Variants in PCDHGA12 observed in about 807,000 individuals in gnomAD.
PCDHGA12 encodes protocadherin gamma-A12.
In PCDHGA12, 43 loss-of-function variants were observed where a neutral mutation model predicts 61.1. The ratio of observed to expected loss-of-function variants is 0.70; its 90% CI spans 0.55 to 0.91. The LOEUF (loss-of-function observed/expected upper bound fraction) is 0.91. PCDHGA12 is among the 40% of genes least tolerant of loss of function. PCDHGA12 has a pLI of 0.00. For missense variants in PCDHGA12, 1,236 were observed against 1,227.7 expected (o/e 1.01, Z -0.10); for synonymous variants, 520 against 542.9 (o/e 0.96, Z 0.59).
Position 141,430,975 on chromosome 5 carries a change from G to A in PCDHGA12, c.216G>A (p.Thr72=), listed in dbSNP as rs776670383. ...RGVRIIPRGR[T]QLFALNPRSG... ...TCCGCATCATCCCCAGAGGTAGGACGCAGCTTTTCGCCCTGAATCCGCGCA... is the reference window on the plus strand; with the variant it reads ...TCCGCATCATCCCCAGAGGTAGGACACAGCTTTTCGCCCTGAATCCGCGCA... The change falls in exon 1 of 4, where the codon ACG becomes ACA. Residue 72 remains threonine (T), a synonymous_variant. Coordinates refer to ENST00000252085, the MANE Select transcript of PCDHGA12 (RefSeq NM_003735.3). The A allele has an allele frequency of 1.2e-6, 2 of 1,613,208 alleles. No homozygotes were observed. Among genetic ancestry groups the A allele is most frequent in the Admixed American group, 1.7e-5 (1 of 59,912 alleles).
At chr5:141,484,857 G>C in intron 1 of PCDHGA12, 1 of 264,370 alleles carries the variant, frequency 3.8e-6, no homozygotes. Flanking sequence ...TTTTTGGGGG[G>C]TGGGGGAGCG....
intron 1 of PCDHGA12, among the ~76,000 whole-genome samples, chr5:141,437,573 G>A (rs923321760): frequency 1.3e-5 from 2 of 152,164 alleles, no homozygotes; most frequent in African/African-American, 4.8e-5. Flanking sequence ...GAGTATAGCT[G>A]TGATCATGAA....
chr5:141,475,820 C>T (rs890721743), intron 1 of PCDHGA12: 2 of 351,808 alleles, frequency 5.7e-6, no homozygotes, highest in African/African-American at 2.1e-5. Context: ...AAGTTCCTGG[C>T]GCTAGCGCGT....
chr5:141,494,701 C>G, intron 1 of PCDHGA12, 106 bp from the exon 2 acceptor site: 1 of 1,594,596 alleles, frequency 6.3e-7, no homozygotes, highest in Non-Finnish European at 8.6e-7. Context: ...CCGTTTTCTT[C>G]TCTGTGCCCA....
chr5:141,469,296 A>T (rs2099196287), intron 1 of PCDHGA12, among the ~76,000 whole-genome samples: 1 of 149,742 alleles, frequency 6.7e-6, no homozygotes, highest in Non-Finnish European at 1.5e-5. Context: ...AACAAAATAG[A>T]CTGGGCACGA....
Position 141,486,775 on chromosome 5 carries a change from G to A in PCDHGA12, c.2425-8032G>A, listed in dbSNP as rs2099634725. On this transcript the variant is annotated intron_variant, in intron 1 of 3. Coordinates refer to ENST00000252085, the MANE Select transcript of PCDHGA12 (RefSeq NM_003735.3). This position sits in a 1 kb window ranked among gnomAD's most constrained non-coding sequence, Gnocchi z 5.0. ...AGCAAACCCAGACACTGCAGTTTGA[G>A]GTGCAGGCCCGGGATCGGGGCAACC... 7 of 1,614,122 alleles carry A rather than the reference G, an allele frequency of 4.3e-6. No individual in the cohort carries two copies. Among genetic ancestry groups the A allele is most frequent in the Non-Finnish European group, 5.9e-6 (7 of 1,180,060 alleles).
Position 141,487,682 on chromosome 5 carries a change from G to A in PCDHGA12, c.2425-7125G>A, listed in dbSNP as rs757434520. On this transcript the variant is annotated intron_variant, in intron 1 of 3. Transcript: ENST00000252085. This position sits in a 1 kb window ranked among gnomAD's most constrained non-coding sequence, Gnocchi z 5.0. ...TGATCCAGGCATATGGCTAGGCCATGTCCTAGAGAGTACTGGCCTCTCAGT... is the reference window on the plus strand; with the variant it reads ...TGATCCAGGCATATGGCTAGGCCATATCCTAGAGAGTACTGGCCTCTCAGT... The A allele has an allele frequency of 1.2e-6, 2 of 1,607,256 alleles. No individual in the cohort carries two copies. Among genetic ancestry groups the A allele is most frequent in the East Asian group, 4.5e-5 (2 of 44,762 alleles).
intron 1 of PCDHGA12, among the ~76,000 whole-genome samples, chr5:141,450,397 C>T (rs529143168): frequency 6.6e-6 from 1 of 152,300 alleles, no homozygotes; most frequent in South Asian, 2.1e-4. Flanking sequence ...TTTGTAAAGA[C>T]TAGAAGCCAT....
intron 2 of PCDHGA12, among the ~76,000 whole-genome samples, chr5:141,499,317 A>G (rs532848559): frequency 7.9e-5 from 12 of 152,354 alleles, no homozygotes; most frequent in Admixed American, 1.3e-4. Context: ...GAGAGACAGT[A>G]TCCCTGCTCT....
chr5:141,445,188 G>A (rs1267342449), intron 1 of PCDHGA12, among the ~76,000 whole-genome samples: 5 of 152,198 alleles, frequency 3.3e-5, no homozygotes, highest in South Asian at 2.1e-4. Flanking sequence ...ATGTTTTTAT[G>A]TATTCTATAT....
intron 1 of PCDHGA12, among the ~76,000 whole-genome samples, chr5:141,470,537 A>G (rs189730495): frequency 1.3e-5 from 2 of 152,256 alleles, no homozygotes; most frequent in Non-Finnish European, 2.9e-5. Context: ...TGTATCAGGT[A>G]ATATTTATTG....
intron 2 of PCDHGA12, among the ~76,000 whole-genome samples, chr5:141,497,602 C>T (rs948023459): frequency 2.0e-5 from 3 of 148,260 alleles, no homozygotes; most frequent in East Asian, 2.0e-4. Flanking sequence ...TGCAGTGGTG[C>T]GATCTTGGCT....
Position 141,432,298 on chromosome 5 carries a change from A to T in PCDHGA12, c.1539A>T (p.Val513=). Reference sequence around the variant, plus strand: ...TGTCCATCAACTCCGACACTGGGGTACTGTATGCGCTGAGCTCCTTCGACT... The same window carrying T: ...TGTCCATCAACTCCGACACTGGGGTTCTGTATGCGCTGAGCTCCTTCGACT... The part of the protein sequence containing the change: ...SYVSINSDTG[V]LYALSSFDYE... The change falls in exon 1 of 4, where the codon GTA becomes GTT. Residue 513 remains valine, a synonymous_variant. Transcript: ENST00000252085. The surrounding 1 kb of genome is among the most constrained non-coding windows in gnomAD (Gnocchi z 6.0). The T allele has an allele frequency of 6.2e-7, 1 of 1,614,236 alleles. No homozygotes were observed. Among genetic ancestry groups the T allele is most frequent in the Non-Finnish European group, 8.5e-7 (1 of 1,180,036 alleles).
Position 141,432,253 on chromosome 5 carries a change from G to A in PCDHGA12, c.1494G>A (p.Gly498=), listed in dbSNP as rs1193159615. ...TYSLAENTIQ[G]ASLSSYVSIN... ...CCCTGGCTGAGAACACCATCCAAGGGGCAAGCCTATCGTCCTACGTGTCCA... is the reference window on the plus strand; with the variant it reads ...CCCTGGCTGAGAACACCATCCAAGGAGCAAGCCTATCGTCCTACGTGTCCA... The change falls in exon 1 of 4, where the codon GGG becomes GGA. Residue 498 remains glycine, a synonymous_variant. Coordinates refer to ENST00000252085, the MANE Select transcript of PCDHGA12 (RefSeq NM_003735.3). The surrounding 1 kb of genome is among the most constrained non-coding windows in gnomAD (Gnocchi z 6.0). 2.5e-6 allele frequency: 4 copies of A among 1,614,086 alleles called. No individual in the cohort carries two copies. Among genetic ancestry groups the A allele is most frequent in the Non-Finnish European group, 3.4e-6 (4 of 1,180,046 alleles).
At chr5:141,433,849 A>AC (rs1304649814) in intron 1 of PCDHGA12, among the ~76,000 whole-genome samples, 10 of 152,030 alleles carry the variant, frequency 6.6e-5, no homozygotes, top group Admixed American at 1.3e-4. Flanking sequence ...AAAAAAAAAA[A>AC]AAAAAACTTT....
rs371807105 is a variant in PCDHGA12 at position 141,476,586 on chromosome 5, A to G, written c.2425-18221A>G. ...GCTCCGGGGACGCGCTTTCCGCTCG[A>G]GAGCGCGCACGATCCCGATGTGGGA... is the stretch of plus-strand genomic sequence containing the variant. On this transcript the variant is annotated intron_variant, in intron 1 of 3. Coordinates refer to ENST00000252085, the MANE Select transcript of PCDHGA12 (RefSeq NM_003735.3). This position sits in a 1 kb window ranked among gnomAD's most constrained non-coding sequence, Gnocchi z 7.6. The G allele has an allele frequency of 6.2e-7, 1 of 1,614,222 alleles. No homozygotes were observed. The highest frequency in any genetic ancestry group is 8.5e-7 in the Non-Finnish European group (1 of 1,180,032).
intron 1 of PCDHGA12, among the ~76,000 whole-genome samples, chr5:141,444,872 G>T (rs2098449555): frequency 6.6e-6 from 1 of 152,120 alleles, no homozygotes. Context: ...ACAGGACAAA[G>T]CTTGTAGGAT....
rs1005709757 is a variant in PCDHGA12 at position 141,495,051 on chromosome 5, A to G, written c.2483+186A>G. Among the ~76,000 whole-genome samples, 3 of 152,042 alleles carry G rather than the reference A, an allele frequency of 2.0e-5. No homozygotes were observed. In the East Asian group the frequency reaches 5.8e-4, roughly 29 times the overall value. On this transcript the variant is annotated intron_variant, in intron 2 of 3. Transcript: ENST00000252085. ...CCGGAAGGAAGAGGCGACTGCCCTG[A>G]CTGTTCAGGAAGCTCAATTCACATG... is the stretch of plus-strand genomic sequence containing the variant.
chr5:141,433,234 C>T (rs773942024), intron 1 of PCDHGA12, 51 bp downstream of exon 1: 3 of 1,512,746 alleles, frequency 2.0e-6, no homozygotes, highest in Middle Eastern at 1.8e-4. Flanking sequence ...TGCTCTGTCT[C>T]CCAAGCTGGA....
Sources: allele counts gnomAD v4.1 joint callset (sites outside exome capture counted in the v4.1 genomes callset), GRCh38; gene constraint gnomAD v4.1.1; non-coding constraint Gnocchi (gnomAD v3.1); transcripts MANE v1.5; gene names NCBI Gene and HGNC (gene_info 2026-07-23, HGNC 2026-07-21).